The following LILRA6 variants were observed in gnomAD, a reference collection of about 807,000 sequenced individuals.
The protein encoded by LILRA6 is leukocyte immunoglobulin-like receptor subfamily A member 6.
LILRA6 carries 16 observed loss-of-function variants against 53.9 expected under a neutral mutation model. The ratio of observed to expected loss-of-function variants is 0.30; its 90% CI spans 0.20 to 0.45. LILRA6 has a LOEUF of 0.45. Among genes scored for constraint, LILRA6 ranks in the 20% least tolerant of loss-of-function variants. LILRA6 has a pLI of 1.00. For missense variants in LILRA6, 306 were observed against 618.6 expected (o/e 0.49, Z 5.36); for synonymous variants, 135 against 256.4 (o/e 0.53, Z 4.52).
intron 4 of LILRA6, 27 bp from the exon 5 acceptor site, chr19:54,241,154 A>G: frequency 1.3e-6 from 2 of 1,515,846 alleles, no homozygotes; most frequent in Non-Finnish European, 1.8e-6. Flanking sequence ...GCCAGGACTG[A>G]GAGGGCTGGT....
At chr19:54,238,090 G>C (rs372851537), downstream of LILRA6, 16 of 147,008 alleles carry the variant, frequency 1.1e-4, no homozygotes, top group African/African-American at 3.7e-4. Flanking sequence ...GCGCCACCTT[G>C]GCTCACTGCA....
rs1039733318 is a variant in LILRA6, at chr19:54,239,570, A to G, written c.1309+331T>C. 8.6e-5 allele frequency: 83 copies of G among 966,782 alleles called. 1 individual carries two copies. The highest frequency in any genetic ancestry group is 1.0e-4 in the Non-Finnish European group (65 of 651,004). 59.9% of individuals were successfully genotyped at this position (966,782 alleles called of 1,614,324 possible). A position where few individuals can be genotyped will look rare whatever the true frequency, so the allele number is the denominator to read the frequency against. On this transcript the variant is annotated intron_variant, in intron 7 of 7. Coordinates refer to ENST00000396365, the Ensembl canonical transcript of LILRA6. ...GCCTGAGCTGAGCATTTGAGCTCAG[A>G]GAGGACAGGGTCAGGGCCCTCACCT... is the stretch of plus-strand genomic sequence containing the variant.
rs767765817 is a variant in LILRA6 at position 54,239,924 on chromosome 19, G to A, written c.1286C>T (p.Pro429Leu). ...ACCAGGTGTGGAGGGCGGCCCTGTG[G>A]GTGGGAGGCTGGAGCCTCCAGAGTG... Residue 429 changes from proline (P) to leucine (L), a missense_variant, in exon 7 of 8, where the codon CCC becomes CTC. Physicochemically the swap from Pro to Leu is moderately conservative, Grantham distance 98. Coordinates refer to ENST00000396365, the Ensembl canonical transcript of LILRA6. 2.4e-5 allele frequency: 37 copies of A among 1,553,588 alleles called. No individual in the cohort carries two copies. The East Asian group carries it at 8.7e-4, about 37-fold the overall frequency.
chr19:54,239,038 G>A (rs1408373459), exon 8 of LILRA6: 30 of 1,611,368 alleles, frequency 1.9e-5, no homozygotes, highest in Non-Finnish European at 2.2e-5. Context: ...GACCAAGCCT[G>A]CCATGCCCAT....
rs1132599 is a variant in LILRA6, at chr19:54,240,835, C to G, written c.951G>C (p.Met317Ile). Residue 317 changes from methionine to isoleucine, a missense_variant, in exon 5 of 8, where the codon ATG becomes ATC. Coordinates refer to ENST00000396365, the Ensembl canonical transcript of LILRA6. ...TGAACCCGCTGGGCTCCTCACCTGC[C>G]ATCAGGATGTTCAGGGGGTCGCTGG... 185 of 1,612,674 alleles carry G rather than the reference C, an allele frequency of 1.1e-4. No homozygotes were observed. The African/African-American group carries it at 1.6e-3, about 14-fold the overall frequency.
chr19:54,239,169 C>A, intron 7 of LILRA6, 80 bp from the exon 8 acceptor site: 1 of 1,594,944 alleles, frequency 6.3e-7, no homozygotes, highest in Non-Finnish European at 8.5e-7. Context: ...CAACCCAGGG[C>A]ACCCCCCATC....
chr19:54,241,991 G>C lies in LILRA6; in HGVS notation c.355+35C>G, dbSNP rs765410492. ...AGAGCCGACCCCCTTCCTGAGGGCA[G>C]AGCCTGGGGCTGGGACCCCAGAGTG... On this transcript the variant is annotated intron_variant, in intron 3 of 7. Coordinates refer to ENST00000396365, the Ensembl canonical transcript of LILRA6. 5.1e-6 allele frequency: 7 copies of C among 1,368,586 alleles called. 1 individual carries two copies. Among genetic ancestry groups the C allele is most frequent in the South Asian group, 2.8e-5 (2 of 70,480 alleles). 84.8% of individuals were successfully genotyped at this position (1,368,586 alleles called of 1,614,324 possible). A position where few individuals can be genotyped will look rare whatever the true frequency, so the allele number is the denominator to read the frequency against.
chr19:54,237,099 A>G (rs1202377946), downstream of LILRA6: 1 of 150,956 alleles, frequency 6.6e-6, no homozygotes, highest in African/African-American at 2.5e-5. Flanking sequence ...ATAGTGGCTC[A>G]CACCTGTAAT....
downstream of LILRA6, chr19:54,237,627 G>A (rs1005869756): frequency 6.6e-6 from 1 of 151,094 alleles, no homozygotes; most frequent in African/African-American, 2.5e-5. Flanking sequence ...ATTTCCTGAT[G>A]TGCAAGCACT....
chr19:54,236,895 G>T (rs527587745), downstream of LILRA6: 7 of 151,178 alleles, frequency 4.6e-5, no homozygotes, highest in African/African-American at 1.7e-4. Flanking sequence ...GCTGGCAAGG[G>T]AGTGTGGAGG....
downstream of LILRA6, chr19:54,238,104 A>C (rs1031751372): frequency 4.7e-5 from 7 of 149,426 alleles, no homozygotes; most frequent in African/African-American, 1.8e-4. Context: ...CACTGCACCA[A>C]CTGGCGCCAA....
chr19:54,238,772 T>C (rs543307582), exon 8 of LILRA6: 7 of 1,094,872 alleles, frequency 6.4e-6, no homozygotes, highest in Admixed American at 6.0e-5. Context: ...ATTCACAACA[T>C]AGATTGGAAG....
chr19:54,241,899 A>G (rs13346528), intron 3 of LILRA6, 21 bp from the exon 4 acceptor site: 72,647 of 1,219,076 alleles, frequency 0.06, 18,816 homozygotes, highest in South Asian at 0.11. Flanking sequence ...AAGAGGCACC[A>G]TGTTAAATGG....
intron 7 of LILRA6, 47 bp from the exon 8 acceptor site, chr19:54,239,136 T>C (rs1490535515): frequency 3.1e-6 from 5 of 1,606,980 alleles, no homozygotes; most frequent in African/African-American, 2.8e-5. Flanking sequence ...GCAGATCAAC[T>C]TCACCCAGGA....
Position 54,242,603 on chromosome 19 carries a change from C to A in LILRA6, c.35-49G>T. 1.9e-6 allele frequency: 2 copies of A among 1,060,930 alleles called. 1 individual carries two copies. The highest frequency in any genetic ancestry group is 4.9e-5 in the East Asian group (2 of 40,464). The allele number at this position is 1,060,930 out of a possible 1,614,324, so 65.7% of individuals were successfully genotyped here. A position where few individuals can be genotyped will look rare whatever the true frequency, so the allele number is the denominator to read the frequency against. Reference sequence around the variant, plus strand: ...CATTTGCCCTGAAGCCTGAGCAGGTCCTCCCCGCCCTGGTGCCTCCTGAGC... The same window carrying A: ...CATTTGCCCTGAAGCCTGAGCAGGTACTCCCCGCCCTGGTGCCTCCTGAGC... On this transcript the variant is annotated intron_variant, in intron 1 of 7. Transcript: ENST00000396365.
chr19:54,241,342 G>A (rs1271839489), intron 4 of LILRA6: 3 of 1,106,552 alleles, frequency 2.7e-6, no homozygotes, highest in Non-Finnish European at 3.7e-6. Flanking sequence ...CTCCCTGAGA[G>A]CTGGGACCTC....
At chr19:54,239,159 C>T in intron 7 of LILRA6, 70 bp from the exon 8 acceptor site, 1 of 1,598,886 alleles carries the variant, frequency 6.3e-7, no homozygotes, top group Non-Finnish European at 8.5e-7. Context: ...CCTGGATGCC[C>T]AACCCAGGGC....
In LILRA6 at chr19:54,239,102, G is replaced by A. The variant is rs1324267678; in HGVS notation, c.1310-13C>T. On this transcript the variant is annotated splice_polypyrimidine_tract_variant and intron_variant, in intron 7 of 7. Transcript: ENST00000396365. ...TTGGCGTGTGAGGCTGGGGATGGTGGGCAAAGAGGTCACAGAGGTCCGGGC... is the reference window on the plus strand; with the variant it reads ...TTGGCGTGTGAGGCTGGGGATGGTGAGCAAAGAGGTCACAGAGGTCCGGGC... The A allele has an allele frequency of 6.2e-7, 1 of 1,610,756 alleles. No homozygotes were observed. Among genetic ancestry groups the A allele is most frequent in the Non-Finnish European group, 8.5e-7 (1 of 1,179,372 alleles).
At position 54,241,620 on chromosome 19, in the gene LILRA6, C is replaced by T. The variant is rs61734495; in HGVS notation, c.614G>A (p.Arg205Gln). The T allele has an allele frequency of 0.29, 365,871 of 1,255,248 alleles. 46,194 individuals are homozygous for T. The highest frequency in any genetic ancestry group is 0.39 in the South Asian group (26,715 of 69,168). The allele number at this position is 1,255,248 out of a possible 1,614,324, so 77.8% of individuals were successfully genotyped here. The change falls in exon 4 of 8, where the codon CGG (arginine) becomes CAG (glutamine). Residue 205 changes from arginine to glutamine, a missense_variant. Transcript: ENST00000396365. ...GGGGTCACTGGGGTGGGACCACACCCGGGGGGTGTTCATATAATAGTAATA... is the reference window on the plus strand; with the variant it reads ...GGGGTCACTGGGGTGGGACCACACCTGGGGGGTGTTCATATAATAGTAATA...
Sources: gnomAD v4.1 joint callset for allele counts on GRCh38, gnomAD v4.1.1 for gene constraint, MANE v1.5 for transcripts, NCBI Gene and HGNC (gene_info 2026-07-23, HGNC 2026-07-21) for gene names.